The following TMEM132B variants were observed in gnomAD, a reference collection of about 807,000 sequenced individuals.
TMEM132B encodes the protein transmembrane protein 132B.
Under a neutral mutation model 90.8 loss-of-function variants are expected in TMEM132B, and 18 were observed. That is an observed-to-expected ratio of 0.20 (90% CI 0.14 to 0.29). TMEM132B has a LOEUF of 0.29. Ranked by LOEUF, TMEM132B falls within the 10% of genes least tolerant of loss-of-function variation. The probability of loss-of-function intolerance (pLI) is 1.00; values close to 1 mark genes in which losing one functional copy is unlikely to be tolerated. For synonymous variants in TMEM132B, 504 were observed against 523.3 expected, an observed-to-expected ratio of 0.96 and a Z score of 0.50; for missense variants, 1,096 against 1,326.8, an observed-to-expected ratio of 0.83 and a Z score of 2.70.
intron 1 of TMEM132B, among the ~76,000 whole-genome samples, chr12:125,296,383 C>T (rs1875673251): frequency 6.6e-6 from 1 of 152,196 alleles, no homozygotes; most frequent in African/African-American, 2.4e-5. Flanking sequence ...CCTTTTAAGT[C>T]TCTGCCCAGA....
At chr12:125,341,049 A>T (rs1877163804) in intron 1 of TMEM132B, among the ~76,000 whole-genome samples, 2 of 152,222 alleles carry the variant, frequency 1.3e-5, no homozygotes, top group Admixed American at 6.5e-5. Flanking sequence ...GTGCTTTGAG[A>T]GCTGGGCAAT....
intron 1 of TMEM132B, among the ~76,000 whole-genome samples, chr12:125,190,702 GGAAGGGGTGGTGATGGTGATGGC>G (rs1219888880): frequency 3.0e-5 from 1 of 33,028 alleles, no homozygotes; most frequent in Non-Finnish European, 6.3e-5. Context: ...ATGGTGATGG[GGAAGGGGTGGTGATGGTGATGGC>G]AAGGGGTGGT....
At chr12:125,305,709 G>A (rs1406770607) in intron 1 of TMEM132B, among the ~76,000 whole-genome samples, 1 of 152,164 alleles carries the variant, frequency 6.6e-6, no homozygotes, top group Non-Finnish European at 1.5e-5. Context: ...CTAACACTTT[G>A]CTGTGATTTA....
At chr12:125,545,104 G>A (rs1884054662) in intron 4 of TMEM132B, among the ~76,000 whole-genome samples, 1 of 152,166 alleles carries the variant, frequency 6.6e-6, no homozygotes, top group Non-Finnish European at 1.5e-5. Context: ...ATAATCACAA[G>A]GGGAGGAGGC....
chr12:125,357,588 A>G (rs1237454744), intron 2 of TMEM132B, among the ~76,000 whole-genome samples: 1 of 152,244 alleles, frequency 6.6e-6, no homozygotes, highest in East Asian at 1.9e-4. Context: ...TAGCAACAAC[A>G]AAAAACAATG....
At chr12:125,525,239 G>T (rs1289197980) in intron 4 of TMEM132B, among the ~76,000 whole-genome samples, 2 of 152,192 alleles carry the variant, frequency 1.3e-5, no homozygotes, top group African/African-American at 2.4e-5. Context: ...CACAAAGAAT[G>T]TATGAATCCA....
At chr12:125,573,587 A>G (rs1472348018) in intron 4 of TMEM132B, among the ~76,000 whole-genome samples, 1 of 152,226 alleles carries the variant, frequency 6.6e-6, no homozygotes, top group Non-Finnish European at 1.5e-5. Context: ...CTAAATTTTA[A>G]TAGCTTAAAG....
intron 4 of TMEM132B, among the ~76,000 whole-genome samples, chr12:125,533,736 G>T (rs1304933108): frequency 2.0e-5 from 3 of 152,170 alleles, no homozygotes; most frequent in African/African-American, 7.2e-5. Context: ...CAGGCCCTGC[G>T]ATTTCCAGGG....
At chr12:125,352,362 G>A (rs61943123) in intron 2 of TMEM132B, among the ~76,000 whole-genome samples, 45 of 152,330 alleles carry the variant, frequency 3.0e-4, no homozygotes, top group Non-Finnish European at 5.3e-4. Flanking sequence ...TTGGTTTTAG[G>A]ATCGCTAAAA....
intron 1 of TMEM132B, among the ~76,000 whole-genome samples, chr12:125,314,216 A>G (rs778094959): frequency 5.3e-5 from 8 of 152,014 alleles, no homozygotes; most frequent in African/African-American, 7.3e-5. Flanking sequence ...CTCCAGTCCT[A>G]TGCAAACCGG....
intron 3 of TMEM132B, among the ~76,000 whole-genome samples, chr12:125,515,275 C>T (rs1233566108): frequency 6.6e-6 from 1 of 151,716 alleles, no homozygotes; most frequent in Non-Finnish European, 1.5e-5. Flanking sequence ...CATTCACTCA[C>T]ACACAAATTC....
intron 5 of TMEM132B, among the ~76,000 whole-genome samples, chr12:125,591,101 A>G (rs1226276330): frequency 6.6e-6 from 1 of 152,010 alleles, no homozygotes; most frequent in African/African-American, 2.4e-5. Context: ...GTAGCCAAAT[A>G]TTGTTCCTAT....
intron 3 of TMEM132B, among the ~76,000 whole-genome samples, chr12:125,483,493 A>G (rs1407979340): frequency 1.3e-5 from 2 of 152,164 alleles, no homozygotes; most frequent in African/African-American, 2.4e-5. Context: ...GGTCTTGTTA[A>G]TTGGTTGAGT....
At chr12:125,204,196 A>G (rs1250034369) in intron 1 of TMEM132B, among the ~76,000 whole-genome samples, 1 of 151,868 alleles carries the variant, frequency 6.6e-6, no homozygotes, top group East Asian at 1.9e-4. Flanking sequence ...CACTGTGCTT[A>G]GCTCTTTATG....
chr12:125,262,988 GGA>G lies in TMEM132B; in HGVS notation c.67+76124_67+76125del, dbSNP rs574783671. Reference sequence around the variant, plus strand: ...AGGCCCCTTGAGCATGGAGTGGATTGGAGTCTGTTTCATCCTTAATGAATGAA... The same window carrying G: ...AGGCCCCTTGAGCATGGAGTGGATTGGTCTGTTTCATCCTTAATGAATGAA... On this transcript the variant is annotated intron_variant, in intron 1 of 8. Transcript: ENST00000682704. 2.3e-3 allele frequency among the ~76,000 whole-genome samples: 356 copies of G among 152,338 alleles called. 5 individuals are homozygous for G. The highest frequency in any genetic ancestry group is 0.022 in the Admixed American group (332 of 15,298).
At chr12:125,187,737 T>C (rs556218493) in intron 1 of TMEM132B, among the ~76,000 whole-genome samples, 176 of 152,222 alleles carry the variant, frequency 1.2e-3, no homozygotes, top group African/African-American at 3.9e-3. Flanking sequence ...ATGTTGGTTC[T>C]ATAGAAAGCG....
At chr12:125,514,204 C>G (rs1322377316) in intron 3 of TMEM132B, among the ~76,000 whole-genome samples, 1 of 152,142 alleles carries the variant, frequency 6.6e-6, no homozygotes, top group East Asian at 1.9e-4. Context: ...CCACACGCCC[C>G]CCACCCCCAA....
chr12:125,378,100 G>A (rs940348282), intron 2 of TMEM132B, among the ~76,000 whole-genome samples: 7 of 152,108 alleles, frequency 4.6e-5, no homozygotes, highest in East Asian at 1.9e-4. Context: ...TGGTAGAGAC[G>A]GTGACACTGA....
chr12:125,506,665 TACTA>T (rs1318238576), intron 3 of TMEM132B, among the ~76,000 whole-genome samples: 1 of 152,242 alleles, frequency 6.6e-6, no homozygotes, highest in Non-Finnish European at 1.5e-5. Flanking sequence ...CTTTATCAAA[TACTA>T]ACCAGCTTAA....
Sources: allele counts gnomAD v4.1 joint callset (sites outside exome capture counted in the v4.1 genomes callset), GRCh38; gene constraint gnomAD v4.1.1; transcripts MANE v1.5; gene names NCBI Gene and HGNC (gene_info 2026-07-23, HGNC 2026-07-21).